PPP3CA: variants seen among roughly 807,000 people sequenced by gnomAD.
PPP3CA encodes the protein protein phosphatase 3 catalytic subunit alpha.
Under a neutral mutation model 66.5 loss-of-function variants are expected in PPP3CA, and 14 were observed. The observed-to-expected ratio is 0.21, with a 90% confidence interval of 0.14 to 0.33. PPP3CA has a LOEUF of 0.33. Ranked by LOEUF, PPP3CA falls within the 10% of genes least tolerant of loss-of-function variation. The pLI, the probability that PPP3CA is intolerant of heterozygous loss-of-function variation, is 1.00. For synonymous variants in PPP3CA, 232 were observed against 226.2 expected, an observed-to-expected ratio of 1.03 and a Z score of -0.23; for missense variants, 317 against 639.5, an observed-to-expected ratio of 0.50 and a Z score of 5.44.
intron 1 of PPP3CA, among the ~76,000 whole-genome samples, chr4:101,255,272 C>T (rs1321140945): frequency 6.6e-6 from 1 of 151,906 alleles, no homozygotes. Flanking sequence ...TCCACTAAAA[C>T]ATCTCTTACA....
chr4:101,287,244 G>T (rs1727872457), intron 1 of PPP3CA, among the ~76,000 whole-genome samples: 1 of 151,964 alleles, frequency 6.6e-6, no homozygotes, highest in Non-Finnish European at 1.5e-5. Context: ...TTTTAACAAA[G>T]CTTAAAATTT....
chr4:101,126,625 C>T (rs1254991806), intron 2 of PPP3CA, among the ~76,000 whole-genome samples: 1 of 152,060 alleles, frequency 6.6e-6, no homozygotes, highest in African/African-American at 2.4e-5. Context: ...TATGATGCAC[C>T]TTTTATTCAT....
At chr4:101,186,828 A>G (rs1724425619) in intron 2 of PPP3CA, among the ~76,000 whole-genome samples, 1 of 152,156 alleles carries the variant, frequency 6.6e-6, no homozygotes, top group African/African-American at 2.4e-5. Context: ...AGGTGTCTAT[A>G]CTTCTAATCA....
chr4:101,276,333 G>A (rs931965315), intron 1 of PPP3CA, among the ~76,000 whole-genome samples: 4 of 152,148 alleles, frequency 2.6e-5, no homozygotes, highest in African/African-American at 9.7e-5. Flanking sequence ...AATATGAGAA[G>A]TAATTGGTGT....
chr4:101,346,454 ACCGCCACCCCCG>A (rs1186083290), intron 1 of PPP3CA, among the ~76,000 whole-genome samples: 2 of 147,248 alleles, frequency 1.4e-5, no homozygotes, highest in Non-Finnish European at 3.0e-5. Context: ...CCCTCCCACC[ACCGCCACCCCCG>A]CCGCCACCTC....
chr4:101,289,124 CTATG>C (rs1477987944), intron 1 of PPP3CA, among the ~76,000 whole-genome samples: 3 of 152,144 alleles, frequency 2.0e-5, no homozygotes, highest in Non-Finnish European at 1.5e-5. Flanking sequence ...TTCATTAAAA[CTATG>C]TATATCTACA....
At chr4:101,197,619 G>C (rs1210019109) in intron 1 of PPP3CA, among the ~76,000 whole-genome samples, 2 of 152,288 alleles carry the variant, frequency 1.3e-5, no homozygotes, top group South Asian at 2.1e-4. Flanking sequence ...AGAGTAAATA[G>C]TAACAGTAGT....
chr4:101,083,677 T>C (rs570263488), intron 6 of PPP3CA, among the ~76,000 whole-genome samples: 2 of 152,346 alleles, frequency 1.3e-5, no homozygotes, highest in South Asian at 4.1e-4. Flanking sequence ...TGTATGTGTA[T>C]ACAACAGAGA....
intron 2 of PPP3CA, among the ~76,000 whole-genome samples, chr4:101,123,457 A>G (rs904164769): frequency 7.2e-5 from 11 of 152,200 alleles, no homozygotes; most frequent in Admixed American, 5.2e-4. Flanking sequence ...TAGAAACAAC[A>G]TATGTCATAT....
At position 101,212,434 on chromosome 4, in the gene PPP3CA, C is replaced by T. The variant is rs151242383; in HGVS notation, c.59-16318G>A. Among the ~76,000 whole-genome samples, 185 of 152,054 alleles carry T rather than the reference C, an allele frequency of 1.2e-3. 1 individual carries two copies. The highest frequency in any genetic ancestry group is 0.01 in the South Asian group (50 of 4,820). On this transcript the variant is annotated intron_variant, in intron 1 of 13. Coordinates refer to ENST00000394854, the MANE Select transcript of PPP3CA (RefSeq NM_000944.5). ...TGATGAGAACACATGGTTAAATGTG[C>T]GGGAACAACACACATCGGGGCTTGT... is the stretch of plus-strand genomic sequence containing the variant.
intron 1 of PPP3CA, among the ~76,000 whole-genome samples, chr4:101,248,049 G>A (rs1052280689): frequency 6.6e-6 from 1 of 152,160 alleles, no homozygotes; most frequent in African/African-American, 2.4e-5. Flanking sequence ...AAGGAGCTTG[G>A]AAACAGCAAA....
chr4:101,154,589 TAGAG>T (rs937878535), intron 2 of PPP3CA, among the ~76,000 whole-genome samples: 2 of 152,132 alleles, frequency 1.3e-5, no homozygotes, highest in African/African-American at 4.8e-5. Flanking sequence ...ACAGAGATAA[TAGAG>T]AGTCACTGGA....
chr4:101,293,230 G>A (rs949374318), intron 1 of PPP3CA, among the ~76,000 whole-genome samples: 10 of 152,052 alleles, frequency 6.6e-5, no homozygotes, highest in African/African-American at 1.9e-4. Context: ...CCTACCCTTC[G>A]TTTTCTCCTC....
chr4:101,083,199 C>G lies in PPP3CA; in HGVS notation c.847G>C (p.Ala283Pro). The change falls in exon 7 of 14, where the codon GCC becomes CCC. Residue 283 changes from alanine to proline, a missense_variant. By Grantham distance (27) the Ala-to-Pro change is conservative (BLOSUM62 -1). This residue lies in a region of PPP3CA where 201 missense variants were observed against 501.4 expected (regional missense o/e 0.40). Transcript: ENST00000394854. Reference protein sequence around the residue: ...NLLSILRAHEAQDAGYRMYRK... With the variant: ...NLLSILRAHEPQDAGYRMYRK... Reference sequence around the variant, plus strand: ...AAAACTGCTCACCCTGCATCTTGGGCTTCGTGGGCTCGGAGTATAGATAAC... The same window carrying G: ...AAAACTGCTCACCCTGCATCTTGGGGTTCGTGGGCTCGGAGTATAGATAAC... 1 of 1,478,598 alleles carries G rather than the reference C, an allele frequency of 6.8e-7. No homozygotes were observed. Among genetic ancestry groups the G allele is most frequent in the Non-Finnish European group, 9.0e-7 (1 of 1,105,220 alleles). 91.6% of individuals were successfully genotyped at this position (1,478,598 alleles called of 1,614,324 possible). A position where few individuals can be genotyped will look rare whatever the true frequency, so the allele number is the denominator to read the frequency against.
intron 8 of PPP3CA, among the ~76,000 whole-genome samples, chr4:101,068,978 T>A (rs983112357): frequency 5.3e-5 from 8 of 152,196 alleles, no homozygotes; most frequent in Non-Finnish European, 1.2e-4. Context: ...TATTGTTTCA[T>A]CCAGTACCTA....
At chr4:101,323,205 T>C (rs1192701355) in intron 1 of PPP3CA, among the ~76,000 whole-genome samples, 1 of 152,132 alleles carries the variant, frequency 6.6e-6, no homozygotes, top group Non-Finnish European at 1.5e-5. Context: ...GCCTGCCCCA[T>C]TTCCTCCATG....
intron 1 of PPP3CA, among the ~76,000 whole-genome samples, chr4:101,233,630 C>T (rs1726033410): frequency 6.6e-6 from 1 of 151,074 alleles, no homozygotes; most frequent in Non-Finnish European, 1.5e-5. Flanking sequence ...ATGTGTGATA[C>T]TGAAAGTCAC....
At chr4:101,317,313 C>T (rs1728913651) in intron 1 of PPP3CA, among the ~76,000 whole-genome samples, 1 of 150,926 alleles carries the variant, frequency 6.6e-6, no homozygotes, top group Non-Finnish European at 1.5e-5. Flanking sequence ...TAAATTTCTC[C>T]AATAGTAAAG....
chr4:101,129,163 C>T (rs1297670507), intron 2 of PPP3CA, among the ~76,000 whole-genome samples: 2 of 152,142 alleles, frequency 1.3e-5, no homozygotes, highest in East Asian at 3.9e-4. Context: ...AACCACAGCT[C>T]AGCAATGACG....
Sources: allele counts gnomAD v4.1 joint callset (sites outside exome capture counted in the v4.1 genomes callset), GRCh38; gene constraint gnomAD v4.1.1; regional missense constraint gnomAD v4.1.1; transcripts MANE v1.5; gene names NCBI Gene and HGNC (gene_info 2026-07-23, HGNC 2026-07-21).